Variants in IGF1R observed in about 807,000 individuals in gnomAD.
IGF1R encodes insulin-like growth factor 1 receptor.
Under a neutral mutation model 144.6 loss-of-function variants are expected in IGF1R, and 44 were observed. The observed-to-expected ratio is 0.30, with a 90% CI of 0.24 to 0.39. The LOEUF (loss-of-function observed/expected upper bound fraction) is 0.39, where lower values mean the gene tolerates loss of function less well. IGF1R is among the 10% of genes least tolerant of loss of function. The probability of loss-of-function intolerance (pLI) is 1.00; values close to 1 mark genes in which losing one functional copy is unlikely to be tolerated. For synonymous variants in IGF1R, 795 were observed against 722.8 expected (o/e 1.10, Z -1.60); for missense variants, 1,355 against 1,833.7 (o/e 0.74, Z 4.77).
intron 1 of IGF1R, among the ~76,000 whole-genome samples, chr15:98,688,498 A>G (rs953068723): frequency 6.6e-6 from 1 of 151,698 alleles, no homozygotes; most frequent in African/African-American, 2.4e-5. Flanking sequence ...GCGTTGGCAC[A>G]TGTGGGAATG....
At chr15:98,946,908 A>G (rs2016575561) in intron 19 of IGF1R, among the ~76,000 whole-genome samples, 1 of 152,260 alleles carries the variant, frequency 6.6e-6, no homozygotes, top group East Asian at 1.9e-4. Context: ...TGCAGTCAGC[A>G]AAAGCAGAGA....
rs199536884 is a variant in IGF1R at position 98,676,563 on chromosome 15, T to TA, written c.94+26901dup. 8.3e-4 allele frequency among the ~76,000 whole-genome samples: 122 copies of TA among 147,144 alleles called. No individual in the cohort carries two copies. The Middle Eastern group carries it at 0.018, about 21-fold the overall frequency. Reference sequence around the variant, plus strand: ...TGCTAGGAAGAATCTCCACTCAGGTTAAAAAAAAAAAAATTTGAAGCACCA... The same window carrying TA: ...TGCTAGGAAGAATCTCCACTCAGGTTAAAAAAAAAAAAAATTTGAAGCACCA... On this transcript the variant is annotated intron_variant, in intron 1 of 20. Coordinates refer to ENST00000650285, the MANE Select transcript of IGF1R (RefSeq NM_000875.5).
intron 1 of IGF1R, among the ~76,000 whole-genome samples, chr15:98,673,387 C>G (rs1461125711): frequency 6.6e-6 from 1 of 152,172 alleles, no homozygotes; most frequent in Non-Finnish European, 1.5e-5. Context: ...CTCTGTTTTA[C>G]CTTTCCTCAG....
intron 2 of IGF1R, among the ~76,000 whole-genome samples, chr15:98,876,786 T>A (rs141080192): frequency 6.6e-6 from 1 of 152,316 alleles, no homozygotes; most frequent in African/African-American, 2.4e-5. Flanking sequence ...CTCATGAGGC[T>A]TATGTGGTAA....
At chr15:98,828,079 C>T (rs897241982) in intron 2 of IGF1R, among the ~76,000 whole-genome samples, 6 of 152,174 alleles carry the variant, frequency 3.9e-5, no homozygotes, top group African/African-American at 1.2e-4. Flanking sequence ...GAGAGATTCC[C>T]GCTGGGGGCA....
rs752827864 is a variant in IGF1R at position 98,649,531 on chromosome 15, T to TG, written c.-51_-50insG. On this transcript the variant is annotated 5_prime_UTR_variant, in exon 1 of 21. Transcript: ENST00000650285. Reference sequence around the variant, plus strand: ...CCTTTTTTTCTTTTCTTTTCTTTTTTTTTTTTTTTTTTTTTTTTGAGAAAG... The same window carrying TG: ...CCTTTTTTTCTTTTCTTTTCTTTTTTGTTTTTTTTTTTTTTTTTTGAGAAAG... The TG allele has an allele frequency of 3.9e-5, 6 of 154,380 alleles. No individual in the cohort carries two copies. In the East Asian group the frequency reaches 6.1e-4, roughly 16 times the overall value. 9.6% of individuals were successfully genotyped at this position (154,380 alleles called of 1,614,324 possible).
chr15:98,857,678 A>C (rs1369668991), intron 2 of IGF1R, among the ~76,000 whole-genome samples: 1 of 152,194 alleles, frequency 6.6e-6, no homozygotes, highest in East Asian at 1.9e-4. Flanking sequence ...GAGCACTTGA[A>C]ATGTGGCTAG....
At chr15:98,708,450 GGT>G (rs2053918700) in intron 2 of IGF1R, among the ~76,000 whole-genome samples, 1 of 152,238 alleles carries the variant, frequency 6.6e-6, no homozygotes, top group African/African-American at 2.4e-5. Flanking sequence ...AAGGTGACCT[GGT>G]GTGCTTGGAA....
At chr15:98,920,834 A>G (rs1434881354) in intron 10 of IGF1R, among the ~76,000 whole-genome samples, 1 of 152,170 alleles carries the variant, frequency 6.6e-6, no homozygotes, top group Admixed American at 6.5e-5. Flanking sequence ...AGGGGAATCC[A>G]TGGGCTGAGA....
chr15:98,792,251 T>C (rs995001515), intron 2 of IGF1R, among the ~76,000 whole-genome samples: 1 of 152,106 alleles, frequency 6.6e-6, no homozygotes, highest in Non-Finnish European at 1.5e-5. Context: ...GAAGGTGAAG[T>C]GTTCACCTTC....
Position 98,957,692 on chromosome 15 carries a change from A to C in IGF1R, c.*250A>C. On this transcript the variant is annotated 3_prime_UTR_variant, in exon 21 of 21. Coordinates refer to ENST00000650285, the MANE Select transcript of IGF1R (RefSeq NM_000875.5). ...ACTGACATGGGCCTTTAAGAACCTT[A>C]ATGACAACACTTAATAGCAACAGAG... The C allele has an allele frequency of 1.7e-6, 1 of 578,602 alleles. No individual in the cohort carries two copies. The highest frequency in any genetic ancestry group is 3.1e-6 in the Non-Finnish European group (1 of 323,802). 35.8% of individuals were successfully genotyped at this position (578,602 alleles called of 1,614,324 possible). A position where few individuals can be genotyped will look rare whatever the true frequency, so the allele number is the denominator to read the frequency against.
In IGF1R at chr15:98,960,377, G is replaced by A. The variant is rs1197313723; in HGVS notation, c.*2935G>A. The A allele has an allele frequency of 4.3e-6, 1 of 233,218 alleles. No homozygotes were observed. The highest frequency in any genetic ancestry group is 8.5e-6 in the Non-Finnish European group (1 of 118,056). The allele number at this position is 233,218 out of a possible 1,614,324, so 14.4% of individuals were successfully genotyped here. A position where few individuals can be genotyped will look rare whatever the true frequency, so the allele number is the denominator to read the frequency against. On this transcript the variant is annotated 3_prime_UTR_variant, in exon 21 of 21. Coordinates refer to ENST00000650285, the MANE Select transcript of IGF1R (RefSeq NM_000875.5). ...AGCCAGGTGGCCCTGTGAGGCCAAC[G>A]AGGGCACCAGAGCACACCTGGGGGA...
chr15:98,754,322 C>T (rs1021901380), intron 2 of IGF1R, among the ~76,000 whole-genome samples: 7 of 152,212 alleles, frequency 4.6e-5, no homozygotes, highest in African/African-American at 7.2e-5. Context: ...GAGGGCTCTA[C>T]TAGTGCTTCC....
intron 2 of IGF1R, among the ~76,000 whole-genome samples, chr15:98,881,398 G>A (rs1048923775): frequency 6.6e-6 from 1 of 152,220 alleles, no homozygotes; most frequent in South Asian, 2.1e-4. Context: ...TCAGCTCACT[G>A]CAACCTCCGC....
At position 98,908,773 on chromosome 15, in the gene IGF1R, A is replaced by T; in HGVS notation, c.1336A>T (p.Met446Leu). Residue 446 changes from methionine to leucine, a missense_variant, in exon 6 of 21, where the codon ATG becomes TTG. Around this residue, in one of 7 missense-constraint regions of IGF1R, gnomAD observed 880 missense variants for 1,202.7 expected, o/e 0.73. Coordinates refer to ENST00000650285, the MANE Select transcript of IGF1R (RefSeq NM_000875.5). ...HRNLTIKAGK[M>L]YFAFNPKLCV... is the part of the protein sequence containing the mutation. Reference sequence around the variant, plus strand: ...CAACCTGACCATCAAAGCAGGGAAAATGTACTTTGCTTTCAATCCCAAATT... The same window carrying T: ...CAACCTGACCATCAAAGCAGGGAAATTGTACTTTGCTTTCAATCCCAAATT... 6.2e-7 allele frequency: 1 copy of T among 1,614,196 alleles called. No homozygotes were observed. Among genetic ancestry groups the T allele is most frequent in the Non-Finnish European group, 8.5e-7 (1 of 1,180,016 alleles).
chr15:98,751,046 C>T (rs113555401), intron 2 of IGF1R, among the ~76,000 whole-genome samples: 2,051 of 152,250 alleles, frequency 0.013, 45 homozygotes, highest in African/African-American at 0.047. Flanking sequence ...CCACCTCGGC[C>T]TCCCAAAGTC....
chr15:98,930,869 G>A (rs2015912955), intron 15 of IGF1R, among the ~76,000 whole-genome samples: 1 of 152,158 alleles, frequency 6.6e-6, no homozygotes, highest in African/African-American at 2.4e-5. Flanking sequence ...GTCTGACATG[G>A]AAGTTGGGTG....
intron 1 of IGF1R, among the ~76,000 whole-genome samples, chr15:98,664,626 G>GGTTGC (rs1567063802): frequency 6.7e-6 from 1 of 149,538 alleles, no homozygotes; most frequent in African/African-American, 2.5e-5. Context: ...TTGGAGGTTG[G>GGTTGC]AGGTTGCAGT....
chr15:98,777,535 G>A lies in IGF1R; in HGVS notation c.640+69428G>A, dbSNP rs1442420473. On this transcript the variant is annotated intron_variant, in intron 2 of 20. Coordinates refer to ENST00000650285, the MANE Select transcript of IGF1R (RefSeq NM_000875.5). Reference sequence around the variant, plus strand: ...GAAGTCCAAGCAAGGAATGATGACCGAAGAGGAACCTCAAGGGTGCAGGCG... The same window carrying A: ...GAAGTCCAAGCAAGGAATGATGACCAAAGAGGAACCTCAAGGGTGCAGGCG... Among the ~76,000 whole-genome samples, 5 of 152,224 alleles carry A rather than the reference G, an allele frequency of 3.3e-5. 1 individual carries two copies. The South Asian group carries it at 6.2e-4, about 19-fold the overall frequency.
Sources: allele counts gnomAD v4.1 joint callset (sites outside exome capture counted in the v4.1 genomes callset), GRCh38; gene constraint gnomAD v4.1.1; regional missense constraint gnomAD v4.1.1; transcripts MANE v1.5; gene names NCBI Gene and HGNC (gene_info 2026-07-23, HGNC 2026-07-21).